COL19A1: variants seen among roughly 807,000 people sequenced by gnomAD.
COL19A1 encodes collagen alpha-1(XIX) chain.
COL19A1 carries 159 observed loss-of-function variants against 190.2 expected under a neutral mutation model. The ratio of observed to expected loss-of-function variants is 0.84; its 90% CI spans 0.73 to 0.95. The LOEUF (loss-of-function observed/expected upper bound fraction) is 0.95, where lower values mean the gene tolerates loss of function less well. Among genes scored for constraint, COL19A1 ranks in the 40% least tolerant of loss-of-function variants. The pLI is 0.00. For synonymous variants in COL19A1, 509 were observed against 458.9 expected, an observed-to-expected ratio of 1.11 and a Z score of -1.39; for missense variants, 1,418 against 1,431.9, an observed-to-expected ratio of 0.99 and a Z score of 0.16.
chr6:70,073,240 G>A (rs962231128), intron 15 of COL19A1, among the ~76,000 whole-genome samples: 1 of 152,040 alleles, frequency 6.6e-6, no homozygotes, highest in Non-Finnish European at 1.5e-5. Flanking sequence ...CACGCTCCTT[G>A]GCCTACCAAA....
intron 15 of COL19A1, among the ~76,000 whole-genome samples, chr6:70,094,423 G>C (rs1490294174): frequency 6.6e-6 from 1 of 152,154 alleles, no homozygotes; most frequent in African/African-American, 2.4e-5. Flanking sequence ...GGAAACAGGG[G>C]AATGTTAGAG....
At chr6:70,115,963 C>G (rs889567749) in intron 16 of COL19A1, among the ~76,000 whole-genome samples, 2 of 151,004 alleles carry the variant, frequency 1.3e-5, no homozygotes, top group African/African-American at 4.9e-5. Flanking sequence ...CCAAGAGACA[C>G]TGAAAAAAAT....
intron 11 of COL19A1, among the ~76,000 whole-genome samples, chr6:70,016,578 A>T (rs1216857675): frequency 2.6e-5 from 4 of 151,742 alleles, no homozygotes; most frequent in Non-Finnish European, 5.9e-5. Context: ...TAAAAATATT[A>T]TTTCAAGAAT....
chr6:70,115,807 T>G (rs1177612929), intron 16 of COL19A1, among the ~76,000 whole-genome samples: 4 of 145,006 alleles, frequency 2.8e-5, no homozygotes, highest in African/African-American at 5.1e-5. Flanking sequence ...TTTTTTTTGT[T>G]TTGTTTTTTG....
At chr6:69,980,979 A>G (rs763068120) in intron 11 of COL19A1, among the ~76,000 whole-genome samples, 2 of 152,226 alleles carry the variant, frequency 1.3e-5, no homozygotes, top group East Asian at 3.8e-4. Context: ...CTTTTTACCT[A>G]GAAATCACCT....
chr6:70,055,969 T>C (rs1328837083), intron 14 of COL19A1, among the ~76,000 whole-genome samples: 1 of 152,080 alleles, frequency 6.6e-6, no homozygotes, highest in Non-Finnish European at 1.5e-5. Context: ...ATTTTCTCAT[T>C]GAGTTTCTTG....
intron 2 of COL19A1, among the ~76,000 whole-genome samples, chr6:69,882,892 T>C (rs181391254): frequency 6.6e-6 from 1 of 152,338 alleles, no homozygotes; most frequent in East Asian, 1.9e-4. Context: ...GAATTTTATT[T>C]TGTGTTTTTA....
chr6:69,868,095 C>T (rs1045971043), intron 1 of COL19A1, among the ~76,000 whole-genome samples: 4 of 151,316 alleles, frequency 2.6e-5, no homozygotes, highest in African/African-American at 9.7e-5. Context: ...AAACGCACAC[C>T]AGTATCTATT....
chr6:69,980,611 T>A (rs1775982075), intron 11 of COL19A1, among the ~76,000 whole-genome samples: 1 of 151,466 alleles, frequency 6.6e-6, no homozygotes, highest in Non-Finnish European at 1.5e-5. Context: ...ATTGTTCTGA[T>A]AAAATATAAT....
chr6:70,164,341 T>C (rs1219799190), intron 36 of COL19A1, among the ~76,000 whole-genome samples: 1 of 152,156 alleles, frequency 6.6e-6, no homozygotes, highest in East Asian at 1.9e-4. Flanking sequence ...TAAGCCTAGC[T>C]ATTTAGATCG....
intron 15 of COL19A1, among the ~76,000 whole-genome samples, chr6:70,080,578 T>C (rs536098909): frequency 3.7e-4 from 57 of 152,234 alleles, no homozygotes; most frequent in Admixed American, 8.5e-4. Context: ...CAGTTCTAAC[T>C]CCTTGGAAAA....
intron 14 of COL19A1, among the ~76,000 whole-genome samples, chr6:70,066,785 A>G (rs994555682): frequency 1.3e-5 from 2 of 152,082 alleles, no homozygotes; most frequent in Non-Finnish European, 2.9e-5. Context: ...AGATAACAAA[A>G]GAATTTCTTC....
intron 2 of COL19A1, among the ~76,000 whole-genome samples, chr6:69,896,484 C>A (rs1310310116): frequency 5.7e-5 from 8 of 140,246 alleles, no homozygotes; most frequent in Admixed American, 4.6e-4. Context: ...TTGCAGTGAG[C>A]CGAGATTGCG....
At chr6:70,186,949 C>A (rs946161780) in intron 46 of COL19A1, among the ~76,000 whole-genome samples, 1 of 152,202 alleles carries the variant, frequency 6.6e-6, no homozygotes, top group Non-Finnish European at 1.5e-5. Context: ...GTGATCTCAA[C>A]TCACCGCAAC....
chr6:69,980,013 C>T (rs531108797), intron 11 of COL19A1, among the ~76,000 whole-genome samples: 1 of 151,942 alleles, frequency 6.6e-6, no homozygotes, highest in African/African-American at 2.4e-5. Flanking sequence ...TAATGCAATA[C>T]AAACAGGAAT....
At chr6:70,090,700 C>A (rs1782866774) in intron 15 of COL19A1, among the ~76,000 whole-genome samples, 1 of 152,110 alleles carries the variant, frequency 6.6e-6, no homozygotes, top group Non-Finnish European at 1.5e-5. Context: ...CTATTATCTA[C>A]CTAAGCAGGT....
chr6:70,066,970 T>G (rs553020876), intron 14 of COL19A1, among the ~76,000 whole-genome samples: 1 of 152,272 alleles, frequency 6.6e-6, no homozygotes, highest in African/African-American at 2.4e-5. Flanking sequence ...GAGTTCCCCA[T>G]GTGAATTGTC....
chr6:69,975,907 C>T (rs1441628885), intron 11 of COL19A1, among the ~76,000 whole-genome samples: 2 of 152,154 alleles, frequency 1.3e-5, no homozygotes, highest in Non-Finnish European at 2.9e-5. Flanking sequence ...CAACATTTAT[C>T]AAACACATCC....
At chr6:70,005,224 A>G (rs1562080855) in intron 11 of COL19A1, among the ~76,000 whole-genome samples, 1 of 152,144 alleles carries the variant, frequency 6.6e-6, no homozygotes, top group African/African-American at 2.4e-5. Context: ...GGAGGAGAAG[A>G]GACACTCTGG....
Sources: allele counts gnomAD v4.1 joint callset (sites outside exome capture counted in the v4.1 genomes callset), GRCh38; gene constraint gnomAD v4.1.1; transcripts MANE v1.5; gene names NCBI Gene and HGNC (gene_info 2026-07-23, HGNC 2026-07-21).